DHRS12: variants seen among roughly 807,000 people sequenced by gnomAD.
The protein encoded by DHRS12 is dehydrogenase/reductase SDR family member 12.
Under a neutral mutation model 32.1 loss-of-function variants are expected in DHRS12, and 29 were observed. The ratio of observed to expected loss-of-function variants is 0.90; its 90% CI spans 0.67 to 1.23. The LOEUF is 1.23. DHRS12 is among the 50% of genes most tolerant of loss of function. The pLI is 0.00. For synonymous variants in DHRS12, 150 were observed against 135.9 expected (o/e 1.10, Z -0.72); for missense variants, 330 against 337.2 (o/e 0.98, Z 0.17).
intron 5 of DHRS12, chr13:51,774,443 C>A (rs1442646727): frequency 4.4e-5 from 5 of 113,360 alleles, no homozygotes. Flanking sequence ...TACATGTATT[C>A]TCCTACAGTA....
At chr13:51,767,897 A>G (rs1198658803), downstream of DHRS12, 1 of 916,594 alleles carries the variant, frequency 1.1e-6, no homozygotes, top group Non-Finnish European at 1.4e-6. Flanking sequence ...GCGTCCCCTA[A>G]GACTGAAATG....
intron 4 of DHRS12, among the ~76,000 whole-genome samples, chr13:51,788,191 T>A (rs543644825): frequency 1.2e-4 from 18 of 151,976 alleles, no homozygotes; most frequent in African/African-American, 4.3e-4. Context: ...ACTCTGCAAA[T>A]TATGTAACCA....
chr13:51,773,534 T>G (rs1265860298), intron 6 of DHRS12, among the ~76,000 whole-genome samples: 1 of 151,786 alleles, frequency 6.6e-6, no homozygotes, highest in Non-Finnish European at 1.5e-5. Flanking sequence ...GCCCCTTCCC[T>G]CCCTCAGAAT....
At chr13:51,799,501 G>T (rs778328556) in intron 2 of DHRS12, 33 bp downstream of exon 2, 1 of 1,611,116 alleles carries the variant, frequency 6.2e-7, no homozygotes, top group South Asian at 1.1e-5. Flanking sequence ...TGGCCGTGGG[G>T]CTCAGTGGAC....
intron 8 of DHRS12, chr13:51,768,741 C>G (rs1333479243): frequency 1.8e-6 from 2 of 1,141,894 alleles, no homozygotes; most frequent in Admixed American, 4.5e-5. Context: ...TGGGGAGAGA[C>G]GTGAACAGAT....
intron 2 of DHRS12, among the ~76,000 whole-genome samples, chr13:51,792,910 G>T (rs527616547): frequency 6.6e-6 from 1 of 152,032 alleles, no homozygotes; most frequent in Non-Finnish European, 1.5e-5. Flanking sequence ...GATATGTCAG[G>T]GTTTCCTGCT....
downstream of DHRS12, chr13:51,766,932 A>T (rs2138844715): frequency 6.6e-6 from 1 of 152,468 alleles, no homozygotes; most frequent in South Asian, 2.1e-4. Context: ...TCTAGATGCC[A>T]GGGAGAGCTG....
chr13:51,791,485 A>G (rs771782426), intron 2 of DHRS12, among the ~76,000 whole-genome samples: 23 of 151,908 alleles, frequency 1.5e-4, no homozygotes, highest in Non-Finnish European at 2.8e-4. Context: ...TTTAAGATAT[A>G]TATTTTATAT....
chr13:51,791,038 C>T (rs1955242674), intron 3 of DHRS12, 127 bp downstream of exon 3: 1 of 561,232 alleles, frequency 1.8e-6, no homozygotes, highest in South Asian at 4.1e-5. Flanking sequence ...TGAACAGGCC[C>T]AAGCATAAGA....
chr13:51,779,436 G>A (rs1195604411), intron 4 of DHRS12, among the ~76,000 whole-genome samples: 5 of 152,122 alleles, frequency 3.3e-5, no homozygotes, highest in African/African-American at 2.4e-5. Context: ...CCCAGTCCAC[G>A]GGCAGATGGA....
At chr13:51,799,695 C>CAGCT in intron 1 of DHRS12, 28 bp from the exon 2 acceptor site, 1 of 1,611,244 alleles carries the variant, frequency 6.2e-7, no homozygotes, top group East Asian at 2.2e-5. Context: ...ACAGGAAGAC[C>CAGCT]AGCTGTAAGG....
chr13:51,777,218 C>T, intron 4 of DHRS12, 97 bp from the exon 5 acceptor site: 1 of 1,430,362 alleles, frequency 7.0e-7, no homozygotes, highest in Non-Finnish European at 9.8e-7. Context: ...CCGCACCCGC[C>T]CCCCACAAGA....
At chr13:51,755,430 TG>T in the DHRS12 span, 1 of 1,614,188 alleles carries the variant, frequency 6.2e-7, no homozygotes, top group Non-Finnish European at 8.5e-7. Flanking sequence ...CAAGCAAATG[TG>T]GGACAGTAAG....
At chr13:51,766,966 C>T (rs1027112482), downstream of DHRS12, 1 of 152,248 alleles carries the variant, frequency 6.6e-6, no homozygotes, top group Non-Finnish European at 1.5e-5. Context: ...AAGATGAGCC[C>T]TGTTCACCAC....
chr13:51,759,753 C>T, the DHRS12 span: 2 of 1,613,884 alleles, frequency 1.2e-6, no homozygotes, highest in Non-Finnish European at 1.7e-6. Flanking sequence ...TGGGATATGA[C>T]CCCAGTCGTG....
Position 51,788,344 on chromosome 13 carries a change from G to C in DHRS12, c.301+1667C>G, listed in dbSNP as rs9563073. 5.7e-3 allele frequency among the ~76,000 whole-genome samples: 862 copies of C among 152,220 alleles called. 14 individuals carry two copies. Among genetic ancestry groups the C allele is most frequent in the East Asian group, 0.047 (244 of 5,182 alleles). On this transcript the variant is annotated intron_variant, in intron 4 of 8. Transcript: ENST00000444610. ...GCAAAGATAACATATTTGGAACAAA[G>C]TCAGTGATGAAAATATTTTGTACTA... is the stretch of plus-strand genomic sequence containing the variant.
At chr13:51,792,376 T>C (rs764390192) in intron 2 of DHRS12, among the ~76,000 whole-genome samples, 5 of 152,164 alleles carry the variant, frequency 3.3e-5, no homozygotes, top group African/African-American at 7.2e-5. Flanking sequence ...TTTTCATATA[T>C]GTGTTGGCCA....
At chr13:51,790,880 A>G (rs1432349577) in intron 3 of DHRS12, among the ~76,000 whole-genome samples, 1 of 152,218 alleles carries the variant, frequency 6.6e-6, no homozygotes, top group Non-Finnish European at 1.5e-5. Flanking sequence ...TACAGAATTG[A>G]GAAAAATTTA....
chr13:51,777,134 A>G lies in DHRS12; in HGVS notation c.302-13T>C. The G allele has an allele frequency of 6.2e-7, 1 of 1,613,964 alleles. No individual in the cohort carries two copies. The highest frequency in any genetic ancestry group is 1.7e-4 in the Middle Eastern group (1 of 6,060). ...AGAATGTACACACCTGAGGCAGCAC[A>G]CAGCATCCCATGAGGGGGCTGCAGG... On this transcript the variant is annotated splice_polypyrimidine_tract_variant and intron_variant, in intron 4 of 8. Transcript: ENST00000444610.
Sources: gnomAD v4.1 joint callset for allele counts (sites outside exome capture counted in the v4.1 genomes callset) on GRCh38, gnomAD v4.1.1 for gene constraint, MANE v1.5 for transcripts, NCBI Gene and HGNC (gene_info 2026-07-23, HGNC 2026-07-21) for gene names.